ZCCHC14: variants seen among roughly 807,000 people sequenced by gnomAD.
The protein encoded by ZCCHC14 is zinc finger CCHC-type containing 14, also known as zinc finger CCHC domain-containing protein 14.
In ZCCHC14, 16 loss-of-function variants were observed where a neutral mutation model predicts 85.0. That is an observed-to-expected ratio of 0.19 (90% CI 0.13 to 0.29). The LOEUF (loss-of-function observed/expected upper bound fraction) is 0.29, where lower values mean the gene tolerates loss of function less well. ZCCHC14 is among the 10% of genes least tolerant of loss of function. The pLI, the probability that ZCCHC14 is intolerant of heterozygous loss-of-function variation, is 1.00. For synonymous variants in ZCCHC14, 775 were observed against 630.7 expected, an observed-to-expected ratio of 1.23 and a Z score of -3.43; for missense variants, 1,303 against 1,443.5, an observed-to-expected ratio of 0.90 and a Z score of 1.58.
chr16:87,459,972 G>C, intron 2 of ZCCHC14, 36 bp downstream of exon 2: 2 of 1,613,568 alleles, frequency 1.2e-6, no homozygotes, highest in East Asian at 2.2e-5. Flanking sequence ...TCCTCCGTCC[G>C]TCAGACGTCC....
At chr16:87,473,141 C>A (rs575229950) in intron 1 of ZCCHC14, 2 of 152,314 alleles carry the variant, frequency 1.3e-5, no homozygotes, top group African/African-American at 2.4e-5. Context: ...TCTAACTCCA[C>A]TGATGCCACA....
chr16:87,461,411 T>C (rs979026258), intron 1 of ZCCHC14, among the ~76,000 whole-genome samples: 2 of 152,236 alleles, frequency 1.3e-5, no homozygotes, highest in East Asian at 1.9e-4. Context: ...TCTCAATGTA[T>C]TTCAAAATTT....
intron 2 of ZCCHC14, among the ~76,000 whole-genome samples, chr16:87,452,978 G>C (rs1267788821): frequency 6.6e-6 from 1 of 152,382 alleles, no homozygotes; most frequent in Non-Finnish European, 1.5e-5. Context: ...TGAGAAAGGA[G>C]AGAAGGCTGA....
intron 3 of ZCCHC14, among the ~76,000 whole-genome samples, chr16:87,431,761 G>T (rs148754935): frequency 6.6e-6 from 1 of 152,144 alleles, no homozygotes; most frequent in Non-Finnish European, 1.5e-5. Context: ...GGTGTCACAC[G>T]CGACCACTGC....
At chr16:87,423,347 A>G (rs2150730791) in intron 4 of ZCCHC14, among the ~76,000 whole-genome samples, 1 of 152,310 alleles carries the variant, frequency 6.6e-6, no homozygotes, top group East Asian at 1.9e-4. Flanking sequence ...TGGTACCACC[A>G]CAACCCAGCC....
At chr16:87,477,455 C>T (rs1006239061) in intron 1 of ZCCHC14, among the ~76,000 whole-genome samples, 1 of 152,222 alleles carries the variant, frequency 6.6e-6, no homozygotes, top group African/African-American at 2.4e-5. Context: ...AGGTCACACT[C>T]CCTACTTCTA....
chr16:87,421,066 G>A (rs1909070121), intron 4 of ZCCHC14, among the ~76,000 whole-genome samples: 1 of 152,246 alleles, frequency 6.6e-6, no homozygotes, highest in African/African-American at 2.4e-5. Context: ...TGCCACACCA[G>A]CAGGTCTGGA....
intron 1 of ZCCHC14, among the ~76,000 whole-genome samples, chr16:87,489,399 C>A (rs1041531822): frequency 2.0e-5 from 3 of 152,146 alleles, no homozygotes; most frequent in African/African-American, 7.2e-5. Context: ...ACGCTCATAG[C>A]CAAGATGTAA....
At chr16:87,489,854 T>G (rs1209889605) in intron 1 of ZCCHC14, among the ~76,000 whole-genome samples, 1 of 152,248 alleles carries the variant, frequency 6.6e-6, no homozygotes, top group East Asian at 1.9e-4. Flanking sequence ...GAGGCACCCG[T>G]GCTCACACAT....
At chr16:87,486,632 G>C (rs968215142) in intron 1 of ZCCHC14, among the ~76,000 whole-genome samples, 3 of 152,188 alleles carry the variant, frequency 2.0e-5, no homozygotes, top group Non-Finnish European at 2.9e-5. Context: ...AAACAGGACA[G>C]TGTTTTAGAC....
intron 1 of ZCCHC14, among the ~76,000 whole-genome samples, chr16:87,482,435 G>A (rs1173937079): frequency 6.6e-6 from 1 of 152,210 alleles, no homozygotes; most frequent in East Asian, 1.9e-4. Context: ...ACTGGCGAAG[G>A]CAGCGAGATC....
chr16:87,491,723 G>A lies in ZCCHC14; in HGVS notation c.516C>T (p.Gly172=). Residue 172 remains glycine, a synonymous_variant, in exon 1 of 13, where the codon GGC becomes GGT. Transcript: ENST00000671377. This position sits in a 1 kb window ranked among gnomAD's most constrained non-coding sequence, Gnocchi z 5.9. ...SSLNGGGGHG[G]KGAPGPGGAL... Reference sequence around the variant, plus strand: ...CGCCGCCCGGCCCGGGCGCGCCCTTGCCGCCGTGGCCCCCGCCGCCGTTCA... The same window carrying A: ...CGCCGCCCGGCCCGGGCGCGCCCTTACCGCCGTGGCCCCCGCCGCCGTTCA... The A allele has an allele frequency of 6.4e-7, 1 of 1,556,150 alleles. No homozygotes were observed.
intron 2 of ZCCHC14, 40 bp downstream of exon 2, chr16:87,459,968 G>A (rs193222467): frequency 2.4e-5 from 38 of 1,613,336 alleles, no homozygotes; most frequent in Middle Eastern, 3.3e-4. Context: ...CCCATCCTCC[G>A]TCCGTCAGAC....
chr16:87,455,192 G>A (rs1212085631), intron 2 of ZCCHC14, among the ~76,000 whole-genome samples: 1 of 152,184 alleles, frequency 6.6e-6, no homozygotes, highest in Non-Finnish European at 1.5e-5. Flanking sequence ...GGAGGCTGAG[G>A]CAGGAGAATC....
intron 2 of ZCCHC14, among the ~76,000 whole-genome samples, chr16:87,437,239 G>A (rs904753947): frequency 1.3e-5 from 2 of 150,118 alleles, no homozygotes; most frequent in African/African-American, 2.5e-5. Flanking sequence ...GGGAGGCTGA[G>A]GCAGGAGAAT....
rs1307485655 is a variant in ZCCHC14, at chr16:87,415,184, T to A, written c.1475+92A>T. The A allele has an allele frequency of 5.9e-6, 6 of 1,011,522 alleles. No individual in the cohort carries two copies. In the East Asian group the frequency reaches 1.4e-4, roughly 24 times the overall value. 62.7% of individuals were successfully genotyped at this position (1,011,522 alleles called of 1,614,324 possible). On this transcript the variant is annotated intron_variant, in intron 9 of 12. Transcript: ENST00000671377. ...GGATAAGCAACAGGAACTAATCCAA[T>A]CACTAGTATTTAGCACTGGAAGCCT... is the stretch of plus-strand genomic sequence containing the variant.
intron 9 of ZCCHC14, among the ~76,000 whole-genome samples, chr16:87,414,808 C>G (rs553133951): frequency 2.6e-4 from 39 of 152,310 alleles, no homozygotes; most frequent in African/African-American, 9.1e-4. Flanking sequence ...AGGCCAGGCG[C>G]GGTGGCTCAG....
At position 87,491,415 on chromosome 16, in the gene ZCCHC14, G is replaced by A. The variant is rs561001232; in HGVS notation, c.570+254C>T. Among the ~76,000 whole-genome samples, 3 of 152,098 alleles carry A rather than the reference G, an allele frequency of 2.0e-5. No individual in the cohort carries two copies. Among genetic ancestry groups the A allele is most frequent in the Non-Finnish European group, 4.4e-5 (3 of 68,002 alleles). ...GGGATGTACGGCGGAGGCTTGGGAT[G>A]TACGGCGGAGGCTTGGGATGTACGG... On this transcript the variant is annotated intron_variant, in intron 1 of 12. Transcript: ENST00000671377. This position sits in a 1 kb window ranked among gnomAD's most constrained non-coding sequence, Gnocchi z 5.9.
At chr16:87,442,463 G>A (rs982886273) in intron 2 of ZCCHC14, among the ~76,000 whole-genome samples, 2 of 152,154 alleles carry the variant, frequency 1.3e-5, no homozygotes, top group African/African-American at 4.8e-5. Context: ...AGACACAGAA[G>A]CAGCTACTGG....
Sources: gnomAD v4.1 joint callset for allele counts (sites outside exome capture counted in the v4.1 genomes callset) on GRCh38, gnomAD v4.1.1 for gene constraint, Gnocchi (gnomAD v3.1) non-coding constraint, MANE v1.5 for transcripts, NCBI Gene and HGNC (gene_info 2026-07-23, HGNC 2026-07-21) for gene names.